The following WDR76 variants were observed in gnomAD, a reference collection of about 807,000 sequenced individuals.
WDR76 encodes WD repeat domain 76.
WDR76 carries 52 observed loss-of-function variants against 70.2 expected under a neutral mutation model. That is an observed-to-expected ratio of 0.74 (90% CI 0.59 to 0.93). The LOEUF (loss-of-function observed/expected upper bound fraction) is 0.93. WDR76 is among the 40% of genes least tolerant of loss of function. The probability of loss-of-function intolerance (pLI) is 0.00; values close to 1 mark genes in which losing one functional copy is unlikely to be tolerated. For synonymous variants in WDR76, 292 were observed against 271.1 expected, an observed-to-expected ratio of 1.08 and a Z score of -0.76; for missense variants, 756 against 760.2, an observed-to-expected ratio of 0.99 and a Z score of 0.07.
rs748412917 is a variant in WDR76 at position 43,835,085 on chromosome 15, G to T, written c.487G>T (p.Glu163Ter). The T allele has an allele frequency of 1.2e-6, 2 of 1,614,080 alleles. No individual in the cohort carries two copies. Among genetic ancestry groups the T allele is most frequent in the Non-Finnish European group, 8.5e-7 (1 of 1,179,996 alleles). Residue 163 changes from glutamate to a stop codon, truncating the protein, a stop_gained, in exon 3 of 13, where the codon GAA becomes TAA. Transcript: ENST00000263795. LOFTEE classifies it high-confidence loss of function. ...SLDFSGLSPYERKRLKNISEN... is the reference protein window; with the variant it reads ...SLDFSGLSPY ...GGATTTTTCGGGATTGTCACCCTAC[G>T]AAAGGAAGAGACTGAAGAACATATC...
chr15:43,839,226 T>A (rs1397988110), intron 4 of WDR76, among the ~76,000 whole-genome samples: 1 of 152,210 alleles, frequency 6.6e-6, no homozygotes, highest in African/African-American at 2.4e-5. Flanking sequence ...TGTGTATTCC[T>A]CCAAAGGTAA....
At chr15:43,835,221 C>G in intron 3 of WDR76, 71 bp downstream of exon 3, 1 of 1,404,232 alleles carries the variant, frequency 7.1e-7, no homozygotes. Context: ...AATCCTGTCA[C>G]TTGGGGAGGC....
Position 43,861,780 on chromosome 15 carries a change from C to T in WDR76, c.1616+394C>T, listed in dbSNP as rs183251214. ...CCTTGAGGGCTTCCCCATCTTCCCA[C>T]TTCATTTCTTTGATTATACTCTTGC... On this transcript the variant is annotated intron_variant, in intron 12 of 12. Coordinates refer to ENST00000263795, the MANE Select transcript of WDR76 (RefSeq NM_024908.4). Among the ~76,000 whole-genome samples the T allele has an allele frequency of 1.2e-4, 18 of 151,340 alleles. No homozygotes were observed. In the East Asian group the frequency reaches 3.5e-3, roughly 29 times the overall value.
At chr15:43,834,275 G>C (rs957420537) in intron 2 of WDR76, among the ~76,000 whole-genome samples, 1 of 146,132 alleles carries the variant, frequency 6.8e-6, no homozygotes, top group Non-Finnish European at 1.5e-5. Context: ...TTTAAGGGAA[G>C]TTTTTTTGTT....
At position 43,842,648 on chromosome 15, in the gene WDR76, G is replaced by A. The variant is rs747210755; in HGVS notation, c.855G>A (p.Glu285=). The A allele has an allele frequency of 1.2e-6, 2 of 1,610,178 alleles. No homozygotes were observed. Among genetic ancestry groups the A allele is most frequent in the Non-Finnish European group, 1.7e-6 (2 of 1,179,002 alleles). Residue 285 remains glutamate, a synonymous_variant, in exon 7 of 13, where the codon GAG becomes GAA. Transcript: ENST00000263795. The part of the protein sequence containing the change: ...GMSKPSSKNT[E]KGLSSIKSYK... ...TTCAGCCAAGTAGTAAGAACACTGA[G>A]AAGGGATTATCTAGCATTAAAAGGT... is the stretch of plus-strand genomic sequence containing the variant.
chr15:43,866,020 C>A, intron 12 of WDR76, 108 bp from the exon 13 acceptor site: 2 of 1,348,692 alleles, frequency 1.5e-6, no homozygotes, highest in Non-Finnish European at 2.0e-6. Flanking sequence ...TGAGAAGAAA[C>A]TTGGCAGAGA....
At chr15:43,829,461 A>T (rs1449686184) in intron 2 of WDR76, among the ~76,000 whole-genome samples, 1 of 150,358 alleles carries the variant, frequency 6.7e-6, no homozygotes, top group African/African-American at 2.4e-5. Flanking sequence ...GTAAGTATTA[A>T]ATGAATTGGA....
chr15:43,863,373 G>A (rs538650428), intron 12 of WDR76, among the ~76,000 whole-genome samples: 19 of 152,042 alleles, frequency 1.2e-4, no homozygotes, highest in African/African-American at 3.4e-4. Context: ...TTTTTGTGAT[G>A]AGAACACTTA....
chr15:43,849,236 A>T (rs1391117237), intron 8 of WDR76, among the ~76,000 whole-genome samples: 2 of 151,856 alleles, frequency 1.3e-5, no homozygotes, highest in South Asian at 2.1e-4. Flanking sequence ...AATCAATATA[A>T]ATTATCTAAA....
intron 2 of WDR76, among the ~76,000 whole-genome samples, chr15:43,833,050 C>T (rs999925701): frequency 6.6e-6 from 1 of 151,814 alleles, no homozygotes; most frequent in African/African-American, 2.4e-5. Context: ...ACTGAGCTTG[C>T]TTGCCTGGGT....
intron 12 of WDR76, chr15:43,863,837 G>C (rs924731056): frequency 6.6e-6 from 1 of 152,220 alleles, no homozygotes; most frequent in South Asian, 2.1e-4. Flanking sequence ...GGCATTACAG[G>C]CATGAGCCAT....
At chr15:43,841,182 G>A (rs1461456861) in intron 5 of WDR76, among the ~76,000 whole-genome samples, 2 of 149,690 alleles carry the variant, frequency 1.3e-5, no homozygotes, top group African/African-American at 2.5e-5. Flanking sequence ...TACCACGCCT[G>A]GCTAAGTTTT....
intron 7 of WDR76, 87 bp from the exon 8 acceptor site, chr15:43,843,814 G>A: frequency 1.7e-6 from 2 of 1,205,686 alleles, no homozygotes; most frequent in East Asian, 5.4e-5. Flanking sequence ...TTTGCTAATT[G>A]TGATTTTTCT....
chr15:43,860,922 T>C (rs1414991097), intron 11 of WDR76, among the ~76,000 whole-genome samples: 1 of 141,474 alleles, frequency 7.1e-6, no homozygotes. Context: ...TTTTTTTTTT[T>C]TTTTTTTTTT....
chr15:43,859,749 C>T (rs376577135), intron 11 of WDR76, among the ~76,000 whole-genome samples: 10 of 152,172 alleles, frequency 6.6e-5, no homozygotes, highest in Non-Finnish European at 1.2e-4. Flanking sequence ...TGTTCCTGTT[C>T]GTTTACACTG....
chr15:43,840,320 T>A (rs1359685485), intron 5 of WDR76, among the ~76,000 whole-genome samples: 6 of 151,824 alleles, frequency 4.0e-5, no homozygotes, highest in African/African-American at 1.5e-4. Context: ...CCTCAGTAAA[T>A]ATGTACAATT....
chr15:43,834,278 TTTTTGTTGGAAAAAAATAAC>T (rs2087627918), intron 2 of WDR76, among the ~76,000 whole-genome samples: 1 of 151,866 alleles, frequency 6.6e-6, no homozygotes, highest in Non-Finnish European at 1.5e-5. Context: ...AAGGGAAGTT[TTTTTGTTGGAAAAAAATAAC>T]TTTTTTTTTT....
At position 43,843,933 on chromosome 15, in the gene WDR76, G is replaced by A; in HGVS notation, c.911G>A (p.Ser304Asn). ...GCCAATTTAAATGGCATGGTCATTA[G>A]TGAAGATACCGTTTACAAAGTTACC... Reference protein sequence around the residue: ...YKANLNGMVISEDTVYKVTTG... With the variant: ...YKANLNGMVINEDTVYKVTTG... Residue 304 changes from serine to asparagine, a missense_variant, in exon 8 of 13, where the codon AGT becomes AAT. Ser to Asn is a conservative substitution (Grantham distance 46, BLOSUM62 1). Transcript: ENST00000263795. The A allele has an allele frequency of 6.2e-7, 1 of 1,604,938 alleles. No individual in the cohort carries two copies.
At chr15:43,838,466 G>T (rs976206402) in intron 4 of WDR76, among the ~76,000 whole-genome samples, 17 of 152,222 alleles carry the variant, frequency 1.1e-4, no homozygotes, top group Admixed American at 5.2e-4. Context: ...GATTACAGGT[G>T]TGAGCCACTG....
Sources: gnomAD v4.1 joint callset for allele counts (sites outside exome capture counted in the v4.1 genomes callset) on GRCh38, gnomAD v4.1.1 for gene constraint, MANE v1.5 for transcripts, NCBI Gene and HGNC (gene_info 2026-07-23, HGNC 2026-07-21) for gene names.